MDN1: variants seen among roughly 807,000 people sequenced by gnomAD.
MDN1 encodes the protein midasin.
MDN1 carries 266 observed loss-of-function variants against 669.2 expected under a neutral mutation model. The ratio of observed to expected loss-of-function variants is 0.40; its 90% CI spans 0.36 to 0.44. The LOEUF (loss-of-function observed/expected upper bound fraction) is 0.44, where lower values mean the gene tolerates loss of function less well. Among genes scored for constraint, MDN1 ranks in the 20% least tolerant of loss-of-function variants. The pLI, the probability that MDN1 is intolerant of heterozygous loss-of-function variation, is 1.00. For missense variants in MDN1, 5,940 were observed against 6,754.0 expected (o/e 0.88, Z 4.22); for synonymous variants, 2,385 against 2,457.1 (o/e 0.97, Z 0.87).
rs753233973 is a variant in MDN1 at position 89,745,266 on chromosome 6, T to G, written c.4178+7A>C. 6.2e-7 allele frequency: 1 copy of G among 1,613,498 alleles called. No homozygotes were observed. Among genetic ancestry groups the G allele is most frequent in the African/African-American group, 1.3e-5 (1 of 74,924 alleles). On this transcript the variant is annotated splice_region_variant and intron_variant, in intron 29 of 101. Coordinates refer to ENST00000369393, the MANE Select transcript of MDN1 (RefSeq NM_014611.3). ...AACCCTCATGAGTCACTGTCACAGA[T>G]CTTTACCCAGTGTCTCCAACCAGCA...
chr6:89,758,857 C>T lies in MDN1; in HGVS notation c.2564G>A (p.Gly855Glu), dbSNP rs776145495. The T allele has an allele frequency of 6.2e-7, 1 of 1,614,146 alleles. No individual in the cohort carries two copies. The highest frequency in any genetic ancestry group is 2.2e-5 in the East Asian group (1 of 44,868). The change falls in exon 18 of 102, where the codon GGA becomes GAA. Residue 855 changes from glycine to glutamate, a missense_variant. By Grantham distance (98) the Gly-to-Glu change is moderately conservative. This residue lies in a region of MDN1 where 1,203 missense variants were observed against 1,268.9 expected (regional missense o/e 0.95). Transcript: ENST00000369393. ...ILECLSGLLE[G>E]SSGSLVLLDR... ...CAGCAACACCAGGGATCCAGAAGAT[C>T]CTTCAAGCAAACCACTCAGACATTC...
At chr6:89,717,469 T>C (rs1192023881) in intron 43 of MDN1, among the ~76,000 whole-genome samples, 1 of 152,222 alleles carries the variant, frequency 6.6e-6, no homozygotes, top group East Asian at 1.9e-4. Context: ...ATCTATTAGA[T>C]GTAGATAATC....
chr6:89,655,628 G>A lies in MDN1; in HGVS notation c.15490+136C>T. 6.2e-6 allele frequency: 5 copies of A among 803,770 alleles called. No homozygotes were observed. In the South Asian group the frequency reaches 9.1e-5, roughly 15 times the overall value. 49.8% of individuals were successfully genotyped at this position (803,770 alleles called of 1,614,324 possible). ...CTGCCAGGCACAGCTGACTTGACTT[G>A]ATCATTAAACATTGTATACATGTAT... On this transcript the variant is annotated intron_variant, in intron 92 of 101. Coordinates refer to ENST00000369393, the MANE Select transcript of MDN1 (RefSeq NM_014611.3).
chr6:89,740,470 T>C, intron 31 of MDN1, 92 bp from the exon 32 acceptor site: 1 of 1,244,702 alleles, frequency 8.0e-7, no homozygotes, highest in Non-Finnish European at 1.1e-6. Context: ...AAAAAAGTTA[T>C]CTTCTTTCTA....
At chr6:89,664,734 A>AG in intron 84 of MDN1, 106 bp from the exon 85 acceptor site, 5 of 861,652 alleles carry the variant, frequency 5.8e-6, no homozygotes, top group South Asian at 4.4e-5. Context: ...TATCTGGGAG[A>AG]GGAAAAAAAA....
rs746060335 is a variant in MDN1, at chr6:89,668,029, G to A, written c.14079C>T (p.Ile4693=). The change falls in exon 84 of 102, where the codon ATC becomes ATT. Residue 4693 remains isoleucine (I), a synonymous_variant. Transcript: ENST00000369393. Reference sequence around the variant, plus strand: ...GAAAACGTACCTGTTCTTCATTTCCGATCTGGTCACTCACATCCTTCATGC... The same window carrying A: ...GAAAACGTACCTGTTCTTCATTTCCAATCTGGTCACTCACATCCTTCATGC... The part of the protein sequence containing the change: ...GEGMKDVSDQ[I]GNEEQVEDTF... The A allele has an allele frequency of 6.2e-6, 10 of 1,613,648 alleles. No individual in the cohort carries two copies. The East Asian group carries it at 6.7e-5, about 11-fold the overall frequency.
chr6:89,810,035 G>A (rs1473215080), intron 1 of MDN1, among the ~76,000 whole-genome samples: 2 of 139,260 alleles, frequency 1.4e-5, no homozygotes, highest in East Asian at 4.4e-4. Context: ...AATTAAGTTT[G>A]GAAGATTATA....
intron 74 of MDN1, 32 bp from the exon 75 acceptor site, chr6:89,678,777 C>T (rs776733315): frequency 1.3e-5 from 20 of 1,590,720 alleles, no homozygotes; most frequent in Non-Finnish European, 1.7e-5. Flanking sequence ...GGAGGGGAGA[C>T]AATAAGAAAA....
intron 63 of MDN1, 131 bp from the exon 64 acceptor site, chr6:89,690,965 G>A (rs1812340602): frequency 9.1e-7 from 1 of 1,100,878 alleles, no homozygotes; most frequent in South Asian, 1.7e-5. Flanking sequence ...CAACATCCAA[G>A]AAACTAAATT....
chr6:89,727,418 A>T (rs1326903250), intron 37 of MDN1, among the ~76,000 whole-genome samples: 1 of 152,174 alleles, frequency 6.6e-6, no homozygotes, highest in African/African-American at 2.4e-5. Flanking sequence ...CCCCATATGC[A>T]CACATAACGG....
At chr6:89,772,414 T>C (rs1041849177) in intron 14 of MDN1, among the ~76,000 whole-genome samples, 159 bp downstream of exon 14, 3 of 152,240 alleles carry the variant, frequency 2.0e-5, no homozygotes, top group Non-Finnish European at 4.4e-5. Flanking sequence ...AATAATTTAA[T>C]AATAATCTAT....
At chr6:89,767,452 A>G (rs536457679) in intron 15 of MDN1, among the ~76,000 whole-genome samples, 5 of 152,296 alleles carry the variant, frequency 3.3e-5, no homozygotes, top group African/African-American at 1.2e-4. Context: ...CCATAATAAT[A>G]ATTGCTTCAA....
intron 59 of MDN1, among the ~76,000 whole-genome samples, chr6:89,698,490 G>A (rs578012468): frequency 1.3e-5 from 2 of 152,262 alleles, no homozygotes; most frequent in South Asian, 2.1e-4. Flanking sequence ...CTTAATTCTT[G>A]TTTACGTATG....
Position 89,664,522 on chromosome 6 carries a change from T to C in MDN1, c.14201A>G (p.Asp4734Gly). ...AAGCTCCCCATCATGCATTTTCCCA[T>C]CAAAATCTTCCGACATCTCAATGGC... Reference protein sequence around the residue: ...DNAIEMSEDFDGKMHDGELEE... With the variant: ...DNAIEMSEDFGGKMHDGELEE... The change falls in exon 85 of 102, where the codon GAT (aspartate) becomes GGT (glycine). Residue 4734 changes from aspartate (D) to glycine (G), a missense_variant. By Grantham distance (94) the Asp-to-Gly change is moderately conservative. This residue lies in a region of MDN1 where 2,280 missense variants were observed against 2,576.3 expected (regional missense o/e 0.88). Transcript: ENST00000369393. 3 of 1,614,124 alleles carry C rather than the reference T, an allele frequency of 1.9e-6. No individual in the cohort carries two copies. Among genetic ancestry groups the C allele is most frequent in the Non-Finnish European group, 2.5e-6 (3 of 1,179,990 alleles).
In MDN1 at chr6:89,664,517, T is replaced by G. The variant is rs749435441; in HGVS notation, c.14206A>C (p.Lys4736Gln). The change falls in exon 85 of 102, where the codon AAA (lysine) becomes CAA (glutamine). Residue 4736 changes from lysine (K) to glutamine (Q), a missense_variant. Transcript: ENST00000369393. ...AIEMSEDFDG[K>Q]MHDGELEEQE... ...TCTTCAAGCTCCCCATCATGCATTT[T>G]CCCATCAAAATCTTCCGACATCTCA... 1.2e-6 allele frequency: 2 copies of G among 1,614,098 alleles called. No individual in the cohort carries two copies. The highest frequency in any genetic ancestry group is 1.7e-6 in the Non-Finnish European group (2 of 1,180,004).
chr6:89,740,382 A>T lies in MDN1; in HGVS notation c.4449-4T>A, dbSNP rs12203928. On this transcript the variant is annotated splice_region_variant and splice_polypyrimidine_tract_variant and intron_variant, in intron 31 of 101. Coordinates refer to ENST00000369393, the MANE Select transcript of MDN1 (RefSeq NM_014611.3). ...AGACTTTTCTACTTCAAGGACACTA[A>T]AAGAAAAATTGAAGAACAGTGAAAA... 76 of 1,570,682 alleles carry T rather than the reference A, an allele frequency of 4.8e-5. No individual in the cohort carries two copies. Among genetic ancestry groups the T allele is most frequent in the Non-Finnish European group, 6.4e-5 (75 of 1,167,376 alleles).
rs1341035476 is a variant in MDN1, at chr6:89,656,815, G to A, written c.15184-14C>T. 1.9e-6 allele frequency: 3 copies of A among 1,607,150 alleles called. No homozygotes were observed. Among genetic ancestry groups the A allele is most frequent in the African/African-American group, 2.7e-5 (2 of 74,602 alleles). ...ACTTCCGTGTTCCTAGGAAATCCAAGCCACAAAAGAATGAGGTGAAAGAAG... is the reference window on the plus strand; with the variant it reads ...ACTTCCGTGTTCCTAGGAAATCCAAACCACAAAAGAATGAGGTGAAAGAAG... On this transcript the variant is annotated splice_polypyrimidine_tract_variant and intron_variant, in intron 90 of 101. Coordinates refer to ENST00000369393, the MANE Select transcript of MDN1 (RefSeq NM_014611.3).
intron 44 of MDN1, among the ~76,000 whole-genome samples, chr6:89,716,317 A>G (rs1389757371): frequency 2.0e-5 from 3 of 152,230 alleles, no homozygotes; most frequent in African/African-American, 7.2e-5. Context: ...CCTGCATTAG[A>G]AAAAACTGCA....
In MDN1 at chr6:89,681,066, G is replaced by A. The variant is rs185641658; in HGVS notation, c.12103-315C>T. 8.5e-5 allele frequency among the ~76,000 whole-genome samples: 13 copies of A among 152,244 alleles called. No individual in the cohort carries two copies. The East Asian group carries it at 2.1e-3, about 25-fold the overall frequency. On this transcript the variant is annotated intron_variant, in intron 73 of 101. Transcript: ENST00000369393. Reference sequence around the variant, plus strand: ...TGAATAATATCACTGCTGCCCTTAAGGTGCTGAGCCACATTGTGTTTCTCA... The same window carrying A: ...TGAATAATATCACTGCTGCCCTTAAAGTGCTGAGCCACATTGTGTTTCTCA...
Sources: allele counts gnomAD v4.1 joint callset (sites outside exome capture counted in the v4.1 genomes callset), GRCh38; gene constraint gnomAD v4.1.1; regional missense constraint gnomAD v4.1.1; transcripts MANE v1.5; gene names NCBI Gene and HGNC (gene_info 2026-07-23, HGNC 2026-07-21).